SOX30: variants seen among roughly 807,000 people sequenced by gnomAD.
SOX30 encodes the protein SRY-box transcription factor 30, also known as transcription factor SOX-30.
SOX30 carries 17 observed loss-of-function variants against 58.6 expected under a neutral mutation model. The observed-to-expected ratio is 0.29, with a 90% CI of 0.20 to 0.44. The LOEUF (loss-of-function observed/expected upper bound fraction) is 0.44. Ranked by LOEUF, SOX30 falls within the 20% of genes least tolerant of loss-of-function variation. The pLI is 1.00. For synonymous variants in SOX30, 421 were observed against 400.2 expected, an observed-to-expected ratio of 1.05 and a Z score of -0.62; for missense variants, 951 against 965.8, an observed-to-expected ratio of 0.98 and a Z score of 0.20.
chr5:157,647,308 G>C (rs1759217655), intron 2 of SOX30, among the ~76,000 whole-genome samples: 1 of 151,892 alleles, frequency 6.6e-6, no homozygotes, highest in East Asian at 1.9e-4. Context: ...TGATCCGCCC[G>C]TCTCGGCCTC....
intron 4 of SOX30, among the ~76,000 whole-genome samples, chr5:157,629,533 A>G (rs1758739214): frequency 6.6e-6 from 1 of 152,264 alleles, no homozygotes; most frequent in Non-Finnish European, 1.5e-5. Context: ...AAAAAGATCA[A>G]TTAAGACAAA....
intron 1 of SOX30, among the ~76,000 whole-genome samples, chr5:157,650,467 A>C (rs1430642643): frequency 6.6e-6 from 1 of 152,158 alleles, no homozygotes; most frequent in African/African-American, 2.4e-5. Flanking sequence ...GAAATACTGA[A>C]TAGAAATAAA....
At chr5:157,666,436 T>C (rs1174869410) in intron 2 of SOX30, among the ~76,000 whole-genome samples, 1 of 149,776 alleles carries the variant, frequency 6.7e-6, no homozygotes, top group African/African-American at 2.5e-5. Context: ...CTGGGATTGG[T>C]GTGAGCCACT....
At chr5:157,655,248 C>G (rs1312294178), upstream of SOX30, among the ~76,000 whole-genome samples, 1 of 152,182 alleles carries the variant, frequency 6.6e-6, no homozygotes, top group African/African-American at 2.4e-5. Flanking sequence ...TAACATCTTT[C>G]TGGTGAACCC....
intron 4 of SOX30, among the ~76,000 whole-genome samples, chr5:157,633,246 A>T (rs1044652865): frequency 2.0e-5 from 3 of 152,048 alleles, no homozygotes; most frequent in African/African-American, 4.8e-5. Flanking sequence ...TGTTTTAGAG[A>T]CAGGATCACA....
chr5:157,641,732 CA>C (rs1223599476), intron 3 of SOX30, among the ~76,000 whole-genome samples: 1 of 152,116 alleles, frequency 6.6e-6, no homozygotes, highest in Non-Finnish European at 1.5e-5. Flanking sequence ...GCAGAGACTA[CA>C]AAAAAACTTT....
intron 1 of SOX30, among the ~76,000 whole-genome samples, chr5:157,669,492 TTATTTA>T (rs1377842037): frequency 7.4e-6 from 1 of 134,590 alleles, no homozygotes; most frequent in African/African-American, 2.8e-5. Context: ...TCAATTTTAT[TTATTTA>T]TTTATTTATT....
intron 3 of SOX30, among the ~76,000 whole-genome samples, chr5:157,641,578 A>T (rs1026974138): frequency 1.3e-5 from 2 of 152,188 alleles, no homozygotes; most frequent in African/African-American, 4.8e-5. Context: ...ATGCCACTGC[A>T]CTCCAACCTG....
chr5:157,642,746 C>T (rs1759099794), intron 3 of SOX30, among the ~76,000 whole-genome samples: 1 of 151,858 alleles, frequency 6.6e-6, no homozygotes, highest in African/African-American at 2.4e-5. Flanking sequence ...GAGGCAAATG[C>T]AAAAAAACTA....
intron 4 of SOX30, among the ~76,000 whole-genome samples, chr5:157,638,004 T>C (rs1425671823): frequency 1.3e-5 from 2 of 152,138 alleles, no homozygotes; most frequent in Non-Finnish European, 2.9e-5. Context: ...TATATTCTTA[T>C]GTAACAAGAG....
Position 157,626,289 on chromosome 5 carries a change from C to T in SOX30, c.*51G>A, listed in dbSNP as rs1208190080. On this transcript the variant is annotated 3_prime_UTR_variant, in exon 5 of 5. Transcript: ENST00000265007. ...TTTTTTTTTTCTCATACCAACTGAC[C>T]CAGAATATATTTTAAGAAATGTTTA... 6.9e-7 allele frequency: 1 copy of T among 1,451,142 alleles called. No homozygotes were observed. The highest frequency in any genetic ancestry group is 1.4e-5 in the South Asian group (1 of 69,370). The allele number at this position is 1,451,142 out of a possible 1,614,324, so 89.9% of individuals were successfully genotyped here. A position where few individuals can be genotyped will look rare whatever the true frequency, so the allele number is the denominator to read the frequency against.
At chr5:157,626,881 C>A (rs1178121378) in intron 4 of SOX30, among the ~76,000 whole-genome samples, 160 bp from the exon 5 acceptor site, 1 of 152,246 alleles carries the variant, frequency 6.6e-6, no homozygotes, top group Non-Finnish European at 1.5e-5. Context: ...GCCCAGTCCC[C>A]ACCCACAAGG....
At chr5:157,670,204 TAGG>T (rs1165412418) in intron 1 of SOX30, among the ~76,000 whole-genome samples, 3 of 152,144 alleles carry the variant, frequency 2.0e-5, no homozygotes, top group African/African-American at 7.2e-5. Flanking sequence ...AGGGTAGTGA[TAGG>T]AGGAGGGTCA....
intron 3 of SOX30, among the ~76,000 whole-genome samples, chr5:157,640,799 A>G (rs1474138169): frequency 1.3e-5 from 2 of 152,168 alleles, no homozygotes. Context: ...ATCATGATCA[A>G]CATATGAGTT....
intron 4 of SOX30, among the ~76,000 whole-genome samples, chr5:157,633,231 G>C (rs1758852393): frequency 6.6e-6 from 1 of 152,072 alleles, no homozygotes; most frequent in Admixed American, 6.5e-5. Context: ...TTCTGTTTTT[G>C]TTTTTGTTTT....
chr5:157,626,295 T>C lies in SOX30; in HGVS notation c.*45A>G. The C allele has an allele frequency of 6.8e-7, 1 of 1,468,642 alleles. No homozygotes were observed. The highest frequency in any genetic ancestry group is 9.2e-7 in the Non-Finnish European group (1 of 1,090,138). 91.0% of individuals were successfully genotyped at this position (1,468,642 alleles called of 1,614,324 possible). ...TTTTCTCATACCAACTGACCCAGAA[T>C]ATATTTTAAGAAATGTTTATTTTCT... On this transcript the variant is annotated 3_prime_UTR_variant, in exon 5 of 5. Transcript: ENST00000265007.
intron 3 of SOX30, 44 bp from the exon 4 acceptor site, chr5:157,638,766 T>C (rs1164558165): frequency 5.9e-6 from 9 of 1,527,642 alleles, no homozygotes; most frequent in Non-Finnish European, 7.9e-6. Flanking sequence ...AACTGAGTCA[T>C]TCCATGTTTT....
At chr5:157,650,416 G>A (rs1759300473) in intron 1 of SOX30, among the ~76,000 whole-genome samples, 2 of 152,058 alleles carry the variant, frequency 1.3e-5, no homozygotes, top group Non-Finnish European at 2.9e-5. Context: ...TGTTCTGTGT[G>A]AACTAAATCT....
At position 157,645,072 on chromosome 5, in the gene SOX30, T is replaced by C. The variant is rs1026015101; in HGVS notation, c.1387+1565A>G. On this transcript the variant is annotated intron_variant, in intron 3 of 4. Transcript: ENST00000265007. Reference sequence around the variant, plus strand: ...TGAAATACAAGATTAAAGAAGTCACTACCAAACAGTGAAGACTGAGAGTGC... The same window carrying C: ...TGAAATACAAGATTAAAGAAGTCACCACCAAACAGTGAAGACTGAGAGTGC... 1.1e-4 allele frequency among the ~76,000 whole-genome samples: 17 copies of C among 152,288 alleles called. No homozygotes were observed. In the Middle Eastern group the frequency reaches 0.01, roughly 91 times the overall value.
Sources: allele counts gnomAD v4.1 joint callset (sites outside exome capture counted in the v4.1 genomes callset), GRCh38; gene constraint gnomAD v4.1.1; transcripts MANE v1.5; gene names NCBI Gene and HGNC (gene_info 2026-07-23, HGNC 2026-07-21).